Variants in C3orf52 observed in about 807,000 individuals in gnomAD.
The protein encoded by C3orf52 is chromosome 3 open reading frame 52.
Under a neutral mutation model 24.8 loss-of-function variants are expected in C3orf52, and 22 were observed. That is an observed-to-expected ratio of 0.89 (90% confidence interval 0.63 to 1.27). The LOEUF (loss-of-function observed/expected upper bound fraction) is 1.27. Among genes scored for constraint, C3orf52 ranks in the 50% most tolerant of loss-of-function variants. The pLI, the probability that C3orf52 is intolerant of heterozygous loss-of-function variation, is 0.00. For missense variants in C3orf52, 265 were observed against 260.7 expected, an observed-to-expected ratio of 1.02 and a Z score of -0.11; for synonymous variants, 93 against 100.2, an observed-to-expected ratio of 0.93 and a Z score of 0.43.
In C3orf52 at chr3:112,116,634, CTT is replaced by C. The variant is rs1559976899; in HGVS notation, c.650-4_650-3del. On this transcript the variant is annotated splice_region_variant and splice_polypyrimidine_tract_variant and intron_variant, in intron 5 of 5. Transcript: ENST00000264848. ...AGTAACTTTTGTTCATCTGTGTTTT[CTT>C]TTTAGAATGAAGTGATGGAGGCTGG... 1 of 1,555,612 alleles carries C rather than the reference CTT, an allele frequency of 6.4e-7. No homozygotes were observed. The highest frequency in any genetic ancestry group is 1.2e-5 in the South Asian group (1 of 83,192).
At chr3:112,106,353 G>A (rs1298399553) in intron 3 of C3orf52, among the ~76,000 whole-genome samples, 1 of 151,868 alleles carries the variant, frequency 6.6e-6, no homozygotes, top group Non-Finnish European at 1.5e-5. Flanking sequence ...TCAGTCTCCC[G>A]AGTAGCTGGG....
downstream of C3orf52, chr3:112,122,583 A>C (rs1303021229): frequency 6.6e-6 from 1 of 152,196 alleles, no homozygotes; most frequent in Non-Finnish European, 1.5e-5. Flanking sequence ...GACATTATTA[A>C]ATATATACAT....
At chr3:112,115,930 T>C (rs1335261232) in intron 5 of C3orf52, among the ~76,000 whole-genome samples, 1 of 151,926 alleles carries the variant, frequency 6.6e-6, no homozygotes, top group Non-Finnish European at 1.5e-5. Context: ...CCTAGATGAG[T>C]GGGGCCCTGG....
At chr3:112,101,156 G>C (rs2073969103) in intron 2 of C3orf52, among the ~76,000 whole-genome samples, 1 of 152,158 alleles carries the variant, frequency 6.6e-6, no homozygotes, top group South Asian at 2.1e-4. Context: ...ATTACTCCTA[G>C]ATTCAACAAT....
chr3:112,089,525 G>A (rs140677338), intron 1 of C3orf52, among the ~76,000 whole-genome samples: 8,963 of 67,084 alleles, frequency 0.13, 355 homozygotes, highest in South Asian at 0.28. Flanking sequence ...GTGAAACTTC[G>A]TCTCAAAAAA....
At chr3:112,119,595 A>T, downstream of C3orf52, 1 of 697,030 alleles carries the variant, frequency 1.4e-6, no homozygotes, top group Non-Finnish European at 2.6e-6. Flanking sequence ...TTTACATGTG[A>T]ATTCTGGACA....
At chr3:112,102,793 G>T (rs145975333) in intron 2 of C3orf52, 45 bp from the exon 3 acceptor site, 5 of 1,498,294 alleles carry the variant, frequency 3.3e-6, no homozygotes, top group East Asian at 4.9e-5. Flanking sequence ...TTATATGCAG[G>T]TGTTTACTTT....
intron 4 of C3orf52, among the ~76,000 whole-genome samples, chr3:112,124,582 T>A (rs550806735): frequency 6.0e-4 from 92 of 152,306 alleles, no homozygotes; most frequent in African/African-American, 2.1e-3. Flanking sequence ...CACTCCAGCC[T>A]GGGTGACAAG....
chr3:112,115,900 A>G (rs570626520), intron 5 of C3orf52, among the ~76,000 whole-genome samples: 20 of 152,200 alleles, frequency 1.3e-4, no homozygotes, highest in East Asian at 5.8e-4. Flanking sequence ...ACCCTTCCCT[A>G]TCTTTGGTCT....
Position 112,102,926 on chromosome 3 carries a change from T to C in C3orf52, c.357T>C (p.Cys119=), listed in dbSNP as rs2073987568. The change falls in exon 3 of 6, where the codon TGT becomes TGC. Residue 119 remains cysteine, a synonymous_variant. Transcript: ENST00000264848. Reference sequence around the variant, plus strand: ...TCATGCTGAAGATTCCAGAGGAGTGTGTTGCTGAAGAGGAATTGCCTCACC... The same window carrying C: ...TCATGCTGAAGATTCCAGAGGAGTGCGTTGCTGAAGAGGAATTGCCTCACC... ...FFIMLKIPEE[C]VAEEELPHLL... is the part of the protein sequence containing the mutation. The C allele has an allele frequency of 1.2e-6, 2 of 1,612,022 alleles. No individual in the cohort carries two copies. The highest frequency in any genetic ancestry group is 1.7e-6 in the Non-Finnish European group (2 of 1,179,146).
chr3:112,112,294 A>T (rs931808920), intron 4 of C3orf52: 1 of 152,378 alleles, frequency 6.6e-6, no homozygotes, highest in African/African-American at 2.4e-5. Context: ...CCCTTTCCTT[A>T]GGTCCCATTA....
chr3:112,100,146 C>T (rs1222793359), intron 2 of C3orf52, among the ~76,000 whole-genome samples: 3 of 152,180 alleles, frequency 2.0e-5, no homozygotes, highest in Non-Finnish European at 4.4e-5. Context: ...CATCTCTCCT[C>T]GTTTCATTTA....
intron 4 of C3orf52, chr3:112,123,743 C>T (rs1262593673): frequency 6.2e-7 from 1 of 1,613,810 alleles, no homozygotes; most frequent in African/African-American, 1.3e-5. Flanking sequence ...TATAGCACAG[C>T]TCCTCTGAGT....
At position 112,089,768 on chromosome 3, in the gene C3orf52, A is replaced by G. The variant is rs995931183; in HGVS notation, c.138+3223A>G. 5.3e-5 allele frequency among the ~76,000 whole-genome samples: 8 copies of G among 152,224 alleles called. No homozygotes were observed. In the South Asian group the frequency reaches 1.5e-3, roughly 28 times the overall value. On this transcript the variant is annotated intron_variant, in intron 1 of 5. Transcript: ENST00000264848. ...AAAAGAAGAAAGGCTTTTTAGATGT[A>G]AGAGATAGGTATCCTGCCACTGTTG...
chr3:112,114,404 T>TA (rs34730547), intron 5 of C3orf52, among the ~76,000 whole-genome samples: 10,625 of 122,184 alleles, frequency 0.087, 915 homozygotes, highest in African/African-American at 0.22. Flanking sequence ...TTACAGGAAT[T>TA]AAAAAAAAAA....
Position 112,123,997 on chromosome 3 carries a change from G to T in C3orf52, c.*47-4236G>T, listed in dbSNP as rs929062547. On this transcript the variant is annotated intron_variant, in intron 4 of 4. Coordinates refer to the C3orf52 transcript ENST00000480282. ...TGCTCAGGTGCATCCTCTGCCCCTT[G>T]TTCCAGAGTGACCTCTGACCACCTG... is the stretch of plus-strand genomic sequence containing the variant. Among the ~76,000 whole-genome samples, 7 of 152,146 alleles carry T rather than the reference G, an allele frequency of 4.6e-5. No homozygotes were observed. In the East Asian group the frequency reaches 1.3e-3, roughly 29 times the overall value.
downstream of C3orf52, chr3:112,129,223 A>G (rs773650447): frequency 1.3e-5 from 2 of 152,182 alleles, no homozygotes; most frequent in Non-Finnish European, 2.9e-5. Flanking sequence ...AACCAGATTC[A>G]CTGAGGAGAA....
At chr3:112,105,487 A>G (rs924598387) in intron 3 of C3orf52, among the ~76,000 whole-genome samples, 87 of 151,994 alleles carry the variant, frequency 5.7e-4, no homozygotes, top group Non-Finnish European at 9.6e-4. Flanking sequence ...TTTGTGGGGG[A>G]AAAATTATTT....
intron 5 of C3orf52, among the ~76,000 whole-genome samples, chr3:112,115,555 T>C (rs2074126869): frequency 6.6e-6 from 1 of 152,188 alleles, no homozygotes; most frequent in South Asian, 2.1e-4. Flanking sequence ...CCTTAGAGAA[T>C]TTGAAGACAG....
Sources: gnomAD v4.1 joint callset for allele counts (sites outside exome capture counted in the v4.1 genomes callset) on GRCh38, gnomAD v4.1.1 for gene constraint, MANE v1.5 for transcripts, NCBI Gene and HGNC (gene_info 2026-07-23, HGNC 2026-07-21) for gene names.